INSR: variants seen among roughly 807,000 people sequenced by gnomAD.
INSR encodes the protein IR.
In INSR, 67 loss-of-function variants were observed where a neutral mutation model predicts 142.6. The observed-to-expected ratio is 0.47, with a 90% CI of 0.39 to 0.58. The LOEUF (loss-of-function observed/expected upper bound fraction) is 0.58. INSR is among the 20% of genes least tolerant of loss of function. The pLI is 0.00. For missense variants in INSR, 1,248 were observed against 1,833.2 expected, an observed-to-expected ratio of 0.68 and a Z score of 5.83; for synonymous variants, 756 against 743.1, an observed-to-expected ratio of 1.02 and a Z score of -0.28.
At chr19:7,165,870 A>AG (rs1973876578) in intron 8 of INSR, among the ~76,000 whole-genome samples, 1 of 150,744 alleles carries the variant, frequency 6.6e-6, no homozygotes, top group African/African-American at 2.4e-5. Context: ...CTCAAAGAAA[A>AG]AAAAAAAAAA....
chr19:7,292,402 C>T (rs1457586026), intron 1 of INSR, among the ~76,000 whole-genome samples: 1 of 144,082 alleles, frequency 6.9e-6, no homozygotes, highest in Non-Finnish European at 1.5e-5. Context: ...ATTTTCTTAA[C>T]AAGAACTCCA....
chr19:7,128,305 A>T (rs1286863464), intron 15 of INSR, among the ~76,000 whole-genome samples: 4 of 150,534 alleles, frequency 2.7e-5, no homozygotes. Flanking sequence ...CTCCGCCACC[A>T]GGGTTCAGTA....
intron 13 of INSR, among the ~76,000 whole-genome samples, chr19:7,136,367 T>A (rs1972926929): frequency 6.6e-6 from 1 of 152,138 alleles, no homozygotes. Flanking sequence ...TTTCTGCTTC[T>A]GTGTCCAACT....
intron 9 of INSR, among the ~76,000 whole-genome samples, chr19:7,154,992 CT>C (rs1568451743): frequency 6.6e-6 from 1 of 152,152 alleles, no homozygotes; most frequent in African/African-American, 2.4e-5. Flanking sequence ...CCAGACAATG[CT>C]TCTGTCTTCA....
At chr19:7,185,943 C>T (rs1244617270) in intron 2 of INSR, among the ~76,000 whole-genome samples, 1 of 150,312 alleles carries the variant, frequency 6.7e-6, no homozygotes, top group Non-Finnish European at 1.5e-5. Flanking sequence ...GCCTGTAATC[C>T]TAGCACTTTG....
At chr19:7,197,835 CGAGAGA>C (rs748138504) in intron 2 of INSR, among the ~76,000 whole-genome samples, 2 of 28,304 alleles carry the variant, frequency 7.1e-5, no homozygotes, top group Admixed American at 4.1e-4. Flanking sequence ...AGAGAGAGAA[CGAGAGA>C]GAGAGAGAGA....
Position 7,153,011 on chromosome 19 carries a change from CACCACA to C in INSR, c.2030-90_2030-85del, listed in dbSNP as rs747634106. On this transcript the variant is annotated intron_variant, in intron 9 of 21. Transcript: ENST00000302850. The stretch of plus-strand genomic sequence containing the variant: ...CACACACACACCCCACACACACACA[CACCACA>C]CACACACACCACACACACACACACC... 8.6e-6 allele frequency: 5 copies of C among 582,130 alleles called. 1 individual carries two copies. Among genetic ancestry groups the C allele is most frequent in the South Asian group, 1.8e-5 (1 of 54,604 alleles). The allele number at this position is 582,130 out of a possible 1,614,324, so 36.1% of individuals were successfully genotyped here. A position where few individuals can be genotyped will look rare whatever the true frequency, so the allele number is the denominator to read the frequency against.
intron 10 of INSR, among the ~76,000 whole-genome samples, chr19:7,151,176 CTTTCTT>C (rs1457209274): frequency 1.2e-4 from 1 of 8,624 alleles, no homozygotes; most frequent in African/African-American, 1.5e-4. Context: ...TTCTTTCTTT[CTTTCTT>C]TCTTTCTTTC....
intron 2 of INSR, among the ~76,000 whole-genome samples, chr19:7,208,961 C>T (rs1975196514): frequency 6.6e-6 from 1 of 151,922 alleles, no homozygotes; most frequent in African/African-American, 2.4e-5. Context: ...CAAGATGGCG[C>T]CACTGCATTC....
chr19:7,145,715 T>C (rs1011341491), intron 11 of INSR, among the ~76,000 whole-genome samples: 5 of 152,240 alleles, frequency 3.3e-5, no homozygotes, highest in Admixed American at 6.5e-5. Flanking sequence ...CCATGGGCCA[T>C]AGTTTGCCTA....
chr19:7,147,285 C>T (rs1043193688), intron 11 of INSR, among the ~76,000 whole-genome samples: 2 of 151,880 alleles, frequency 1.3e-5, no homozygotes, highest in South Asian at 4.1e-4. Flanking sequence ...AGTGATTCTT[C>T]TGCCTCAGTC....
intron 2 of INSR, among the ~76,000 whole-genome samples, chr19:7,239,626 A>G (rs1478261727): frequency 1.3e-5 from 2 of 152,170 alleles, no homozygotes; most frequent in African/African-American, 4.8e-5. Context: ...ACAAATGGGT[A>G]GGAGGAGATG....
intron 2 of INSR, among the ~76,000 whole-genome samples, chr19:7,239,907 G>C (rs939189497): frequency 4.6e-5 from 7 of 152,186 alleles, no homozygotes; most frequent in Admixed American, 2.6e-4. Context: ...TCATATGTGT[G>C]CATGGTGAGG....
chr19:7,195,653 AAAATAAAT>A (rs138270962), intron 2 of INSR, among the ~76,000 whole-genome samples: 10 of 151,010 alleles, frequency 6.6e-5, no homozygotes, highest in Non-Finnish European at 1.5e-4. Flanking sequence ...AAAAAAAATA[AAAATAAAT>A]AAATAAATAA....
Position 7,150,502 on chromosome 19 carries a change from G to C in INSR, c.2262C>G (p.Asp754Glu), listed in dbSNP as rs1305148332. The C allele has an allele frequency of 6.8e-6, 11 of 1,614,054 alleles. No individual in the cohort carries two copies. The highest frequency in any genetic ancestry group is 8.5e-6 in the Non-Finnish European group (10 of 1,180,014). ...RKTSSGTGAE[D>E]PRPSRKRRSL... The stretch of plus-strand genomic sequence containing the variant: ...GTCGCACAGGTGAGTCATACCTAGG[G>C]TCCTCGGCACCAGTGCCTGAAGAGG... Residue 754 changes from aspartate (D) to glutamate (E), a missense_variant, in exon 11 of 22, where the codon GAC (aspartate) becomes GAG (glutamate). This residue lies in a region of INSR where 1,069 missense variants were observed against 1,654.0 expected (regional missense o/e 0.65). Coordinates refer to ENST00000302850, the MANE Select transcript of INSR (RefSeq NM_000208.4). This position sits in a 1 kb window ranked among gnomAD's most constrained non-coding sequence, Gnocchi z 4.2.
intron 2 of INSR, among the ~76,000 whole-genome samples, chr19:7,228,170 CTA>C (rs1568203560): frequency 1.3e-5 from 2 of 152,132 alleles, no homozygotes; most frequent in African/African-American, 4.8e-5. Flanking sequence ...GTATCCAGAC[CTA>C]TAGTCCAGCA....
chr19:7,206,999 C>G (rs1455214310), intron 2 of INSR, among the ~76,000 whole-genome samples: 1 of 152,104 alleles, frequency 6.6e-6, no homozygotes, highest in Non-Finnish European at 1.5e-5. Context: ...GATTTAATAG[C>G]CTCCTAAGGA....
At chr19:7,290,757 C>A (rs1364321851) in intron 1 of INSR, among the ~76,000 whole-genome samples, 2 of 145,922 alleles carry the variant, frequency 1.4e-5, no homozygotes, top group Non-Finnish European at 3.0e-5. Flanking sequence ...CAGAGTGACA[C>A]CCTGTCTCAA....
Position 7,125,313 on chromosome 19 carries a change from C to G in INSR, c.3228G>C (p.Ser1076=). Residue 1076 remains serine (S), a synonymous_variant, in exon 17 of 22, where the codon TCG becomes TCC. Transcript: ENST00000302850. This position sits in a 1 kb window ranked among gnomAD's most constrained non-coding sequence, Gnocchi z 4.9. ...GATGGCAGGTGAAGCCCTTCATGAC[C>G]GAGGCCTCATTGAGGAACTCAATCC... The part of the protein sequence containing the change: ...RERIEFLNEA[S]VMKGFTCHHV... The G allele has an allele frequency of 6.2e-7, 1 of 1,614,048 alleles. No homozygotes were observed. Among genetic ancestry groups the G allele is most frequent in the Non-Finnish European group, 8.5e-7 (1 of 1,179,998 alleles).
Sources: allele counts gnomAD v4.1 joint callset (sites outside exome capture counted in the v4.1 genomes callset), GRCh38; gene constraint gnomAD v4.1.1; regional missense constraint gnomAD v4.1.1; non-coding constraint Gnocchi (gnomAD v3.1); transcripts MANE v1.5; gene names NCBI Gene and HGNC (gene_info 2026-07-23, HGNC 2026-07-21).